NCAM2: variants seen among roughly 807,000 people sequenced by gnomAD.
NCAM2 encodes N-CAM-2.
Under a neutral mutation model 98.1 loss-of-function variants are expected in NCAM2, and 30 were observed. That is an observed-to-expected ratio of 0.31 (90% CI 0.23 to 0.41). The LOEUF is 0.41. Among genes scored for constraint, NCAM2 ranks in the 10% least tolerant of loss-of-function variants. NCAM2 has a pLI of 1.00. For synonymous variants in NCAM2, 368 were observed against 342.4 expected, an observed-to-expected ratio of 1.07 and a Z score of -0.83; for missense variants, 867 against 1,005.8, an observed-to-expected ratio of 0.86 and a Z score of 1.87.
At chr21:21,376,110 TATAAG>T (rs139930685) in intron 9 of NCAM2, among the ~76,000 whole-genome samples, 1,765 of 151,836 alleles carry the variant, frequency 0.012, 38 homozygotes, top group African/African-American at 0.041. Flanking sequence ...TTTCCTTAGT[TATAAG>T]ATAAGAGGGT....
intron 10 of NCAM2, among the ~76,000 whole-genome samples, chr21:21,413,050 G>A (rs1267777695): frequency 6.6e-6 from 1 of 152,010 alleles, no homozygotes; most frequent in Admixed American, 6.6e-5. Flanking sequence ...TTAAAATTGT[G>A]TGTTTTAAAA....
At chr21:21,501,473 T>C (rs775706960) in intron 15 of NCAM2, among the ~76,000 whole-genome samples, 18 of 152,008 alleles carry the variant, frequency 1.2e-4, no homozygotes, top group Non-Finnish European at 2.5e-4. Context: ...CCTAAGTAAA[T>C]ATGGACTTGA....
At chr21:21,282,527 AT>A (rs1284607870) in intron 2 of NCAM2, among the ~76,000 whole-genome samples, 1 of 151,746 alleles carries the variant, frequency 6.6e-6, no homozygotes, top group Non-Finnish European at 1.5e-5. Flanking sequence ...AAATAAAGAT[AT>A]TGGAAAACCA....
intron 5 of NCAM2, among the ~76,000 whole-genome samples, chr21:21,317,163 C>G (rs1028353820): frequency 2.6e-5 from 4 of 152,286 alleles, no homozygotes; most frequent in African/African-American, 9.6e-5. Flanking sequence ...CATTATCCCC[C>G]TCTCAGATTC....
intron 1 of NCAM2, among the ~76,000 whole-genome samples, chr21:21,159,467 G>A (rs932658157): frequency 2.0e-5 from 3 of 152,008 alleles, no homozygotes; most frequent in African/African-American, 7.2e-5. Context: ...GCCTCTTCAG[G>A]TGTTCAATTG....
intron 12 of NCAM2, among the ~76,000 whole-genome samples, chr21:21,436,912 C>G (rs1034526138): frequency 6.6e-6 from 1 of 150,906 alleles, no homozygotes; most frequent in Admixed American, 6.6e-5. Flanking sequence ...CAGGTGTGCA[C>G]CACCACACCT....
intron 1 of NCAM2, among the ~76,000 whole-genome samples, chr21:21,185,632 C>T (rs1432547295): frequency 1.3e-5 from 2 of 152,100 alleles, no homozygotes; most frequent in Non-Finnish European, 2.9e-5. Context: ...TAGTATCACC[C>T]AGCTGTTCTA....
At chr21:21,192,958 A>G (rs992957893) in intron 1 of NCAM2, among the ~76,000 whole-genome samples, 4 of 152,194 alleles carry the variant, frequency 2.6e-5, no homozygotes, top group Admixed American at 6.5e-5. Flanking sequence ...CAGGCACACA[A>G]CTTTATGAAA....
chr21:21,463,578 C>A (rs1983280632), intron 12 of NCAM2, among the ~76,000 whole-genome samples: 2 of 152,082 alleles, frequency 1.3e-5, no homozygotes, highest in Admixed American at 6.6e-5. Flanking sequence ...ATCGGTGTGC[C>A]CTCTTCGCTC....
At chr21:21,168,853 A>T (rs2068035815) in intron 1 of NCAM2, among the ~76,000 whole-genome samples, 1 of 152,148 alleles carries the variant, frequency 6.6e-6, no homozygotes, top group Non-Finnish European at 1.5e-5. Flanking sequence ...TATTGTCAGG[A>T]TGCCAGTTTT....
chr21:21,536,012 G>A (rs1311199066), intron 17 of NCAM2, among the ~76,000 whole-genome samples: 1 of 152,016 alleles, frequency 6.6e-6, no homozygotes, highest in Non-Finnish European at 1.5e-5. Flanking sequence ...ACTCTAATCA[G>A]AACTCTTTCT....
chr21:21,216,865 C>G (rs2069924407), intron 1 of NCAM2, among the ~76,000 whole-genome samples: 1 of 152,124 alleles, frequency 6.6e-6, no homozygotes, highest in African/African-American at 2.4e-5. Context: ...CCACATGACA[C>G]AAATTAAAAG....
chr21:21,095,106 A>G (rs1334242863), intron 1 of NCAM2, among the ~76,000 whole-genome samples: 2 of 151,706 alleles, frequency 1.3e-5, no homozygotes, highest in East Asian at 1.9e-4. Context: ...AAGTCAGGTT[A>G]TGGCTTATGT....
chr21:21,224,619 T>A, intron 1 of NCAM2, among the ~76,000 whole-genome samples: 1 of 152,110 alleles, frequency 6.6e-6, no homozygotes, highest in East Asian at 1.9e-4. Context: ...CCAAATAAAA[T>A]TAATATAAAG....
intron 1 of NCAM2, among the ~76,000 whole-genome samples, chr21:21,009,652 G>A (rs937802590): frequency 2.0e-5 from 3 of 151,858 alleles, no homozygotes; most frequent in African/African-American, 4.8e-5. Context: ...CTGCTGTGTC[G>A]ATAAAGCAAG....
intron 11 of NCAM2, among the ~76,000 whole-genome samples, chr21:21,427,619 A>T (rs1472818630): frequency 2.0e-5 from 3 of 152,196 alleles, no homozygotes; most frequent in Non-Finnish European, 4.4e-5. Context: ...GACAAAGATT[A>T]AAAAGTTTCA....
chr21:21,308,685 A>G (rs1263933045), intron 5 of NCAM2, among the ~76,000 whole-genome samples: 1 of 152,160 alleles, frequency 6.6e-6, no homozygotes, highest in Non-Finnish European at 1.5e-5. Flanking sequence ...TTTAGTCATT[A>G]GATGTTCACA....
At chr21:21,506,812 TA>T (rs752428066) in intron 15 of NCAM2, among the ~76,000 whole-genome samples, 14 of 150,630 alleles carry the variant, frequency 9.3e-5, no homozygotes, top group East Asian at 7.7e-4. Context: ...ATTAATACAT[TA>T]TTTTTTTTCA....
At chr21:21,037,449 A>G (rs1196999700) in intron 1 of NCAM2, among the ~76,000 whole-genome samples, 1 of 152,228 alleles carries the variant, frequency 6.6e-6, no homozygotes, top group Non-Finnish European at 1.5e-5. Context: ...AAATGAATTT[A>G]TGGATGCTAT....
Sources: allele counts gnomAD v4.1 joint callset (sites outside exome capture counted in the v4.1 genomes callset), GRCh38; gene constraint gnomAD v4.1.1; transcripts MANE v1.5; gene names NCBI Gene and HGNC (gene_info 2026-07-23, HGNC 2026-07-21).